Variants in TMEM150C observed in about 807,000 individuals in gnomAD.
TMEM150C encodes the protein tentonin 3.
Under a neutral mutation model 29.9 loss-of-function variants are expected in TMEM150C, and 10 were observed. The ratio of observed to expected loss-of-function variants is 0.33; its 90% confidence interval spans 0.21 to 0.57. TMEM150C has a LOEUF of 0.57. Among genes scored for constraint, TMEM150C ranks in the 20% least tolerant of loss-of-function variants. The pLI, the probability that TMEM150C is intolerant of heterozygous loss-of-function variation, is 0.88. For missense variants in TMEM150C, 251 were observed against 303.6 expected (o/e 0.83, Z 1.29); for synonymous variants, 101 against 112.5 (o/e 0.90, Z 0.64).
intron 1 of TMEM150C, among the ~76,000 whole-genome samples, chr4:82,535,034 C>T (rs1006691880): frequency 6.6e-6 from 1 of 152,196 alleles, no homozygotes; most frequent in African/African-American, 2.4e-5. Flanking sequence ...GTTTCTGTGT[C>T]AATTCTTGCA....
chr4:82,549,628 A>G (rs1725503929), intron 1 of TMEM150C, among the ~76,000 whole-genome samples: 1 of 152,228 alleles, frequency 6.6e-6, no homozygotes, highest in South Asian at 2.1e-4. Context: ...TTTTACCACA[A>G]GTAAGGATTA....
rs147818583 is a variant in TMEM150C, at chr4:82,519,574, G to A, written c.-10-14907C>T. On this transcript the variant is annotated intron_variant, in intron 1 of 7. Coordinates refer to ENST00000449862, the MANE Select transcript of TMEM150C (RefSeq NM_001080506.3). ...CCCAAGTAGCTGGGATCACAGGCACGTGTGACCACGCCCAGCTAATTTTTG... is the reference window on the plus strand; with the variant it reads ...CCCAAGTAGCTGGGATCACAGGCACATGTGACCACGCCCAGCTAATTTTTG... 8.0e-3 allele frequency among the ~76,000 whole-genome samples: 1,216 copies of A among 152,014 alleles called. 18 individuals are homozygous for A. The highest frequency in any genetic ancestry group is 0.027 in the Middle Eastern group (8 of 294).
intron 1 of TMEM150C, among the ~76,000 whole-genome samples, chr4:82,513,507 C>T (rs1724197632): frequency 6.6e-6 from 1 of 151,150 alleles, no homozygotes; most frequent in African/African-American, 2.4e-5. Flanking sequence ...AAAAAAAAGA[C>T]AGTCATAAGG....
intron 1 of TMEM150C, among the ~76,000 whole-genome samples, chr4:82,510,076 G>A (rs1724071745): frequency 1.3e-5 from 2 of 151,916 alleles, no homozygotes; most frequent in African/African-American, 4.8e-5. Flanking sequence ...TCAGGAGATC[G>A]AGACCATCCT....
intron 5 of TMEM150C, among the ~76,000 whole-genome samples, chr4:82,496,450 G>T (rs1447076505): frequency 6.6e-6 from 1 of 152,128 alleles, no homozygotes; most frequent in East Asian, 1.9e-4. Context: ...ACTCAATCTG[G>T]GGAAAGCAGA....
chr4:82,532,556 A>G (rs1224494635), intron 1 of TMEM150C, among the ~76,000 whole-genome samples: 1 of 152,182 alleles, frequency 6.6e-6, no homozygotes, highest in Admixed American at 6.5e-5. Flanking sequence ...TATGCAAAGT[A>G]GCGTTATAAA....
intron 6 of TMEM150C, among the ~76,000 whole-genome samples, chr4:82,492,860 T>TG (rs1723408765): frequency 1.6e-5 from 1 of 61,304 alleles, no homozygotes; most frequent in Non-Finnish European, 3.0e-5. Context: ...GCGTATATGT[T>TG]TGTGTATATA....
chr4:82,560,334 T>G (rs1436914333), intron 1 of TMEM150C, among the ~76,000 whole-genome samples: 1 of 152,220 alleles, frequency 6.6e-6, no homozygotes, highest in Non-Finnish European at 1.5e-5. Flanking sequence ...TGTCATAACA[T>G]CTATCAACTA....
At chr4:82,511,205 TC>T (rs1724111397) in intron 1 of TMEM150C, among the ~76,000 whole-genome samples, 1 of 152,190 alleles carries the variant, frequency 6.6e-6, no homozygotes, top group South Asian at 2.1e-4. Flanking sequence ...ATGAGGCCAA[TC>T]CCCCTGTTCC....
Position 82,485,017 on chromosome 4 carries a change from G to C in TMEM150C, c.*494C>G, listed in dbSNP as rs1723112917. 6.5e-6 allele frequency: 1 copy of C among 154,450 alleles called. No individual in the cohort carries two copies. Among genetic ancestry groups the C allele is most frequent in the Non-Finnish European group, 1.4e-5 (1 of 69,644 alleles). The allele number at this position is 154,450 out of a possible 1,614,324, so 9.6% of individuals were successfully genotyped here. On this transcript the variant is annotated 3_prime_UTR_variant, in exon 8 of 8. Coordinates refer to ENST00000449862, the MANE Select transcript of TMEM150C (RefSeq NM_001080506.3). Reference sequence around the variant, plus strand: ...ACTATGCCTTTCCACAGGCGACACAGGGTCACATCTCAATACAATTTCCGT... The same window carrying C: ...ACTATGCCTTTCCACAGGCGACACACGGTCACATCTCAATACAATTTCCGT...
intron 1 of TMEM150C, among the ~76,000 whole-genome samples, chr4:82,549,308 C>T (rs1052593745): frequency 1.3e-5 from 2 of 152,144 alleles, no homozygotes; most frequent in African/African-American, 4.8e-5. Flanking sequence ...ATGACACGTA[C>T]TACAACATGG....
At chr4:82,520,649 G>A (rs535788931) in intron 1 of TMEM150C, among the ~76,000 whole-genome samples, 55 of 152,310 alleles carry the variant, frequency 3.6e-4, no homozygotes, top group African/African-American at 1.2e-3. Flanking sequence ...ATACCAGCAC[G>A]GAGGTGGGTG....
intron 1 of TMEM150C, among the ~76,000 whole-genome samples, chr4:82,552,710 G>A (rs1458656133): frequency 3.3e-5 from 5 of 152,186 alleles, no homozygotes; most frequent in Non-Finnish European, 5.9e-5. Flanking sequence ...TTGGGGTGCC[G>A]CTGGAATTGT....
chr4:82,541,497 T>C (rs1725201363), intron 1 of TMEM150C, among the ~76,000 whole-genome samples: 1 of 152,212 alleles, frequency 6.6e-6, no homozygotes, highest in Non-Finnish European at 1.5e-5. Context: ...GGATGTACTA[T>C]GTCTGTACTC....
In TMEM150C at chr4:82,503,208, AT is replaced by A. The variant is rs1392238227; in HGVS notation, c.81-97del. ...AAACTAACTGCACTAATTCATATTCATTTTTTCTAACTGAGAAATGCTCTTT... is the reference window on the plus strand; with the variant it reads ...AAACTAACTGCACTAATTCATATTCATTTTTCTAACTGAGAAATGCTCTTT... On this transcript the variant is annotated intron_variant, in intron 2 of 7. Coordinates refer to ENST00000449862, the MANE Select transcript of TMEM150C (RefSeq NM_001080506.3). 37 of 851,712 alleles carry A rather than the reference AT, an allele frequency of 4.3e-5. 1 individual carries two copies. The Middle Eastern group carries it at 1.1e-3, about 24-fold the overall frequency. The allele number at this position is 851,712 out of a possible 1,614,324, so 52.8% of individuals were successfully genotyped here.
intron 1 of TMEM150C, among the ~76,000 whole-genome samples, chr4:82,506,651 A>G (rs1723931645): frequency 6.6e-6 from 1 of 152,228 alleles, no homozygotes; most frequent in African/African-American, 2.4e-5. Context: ...CTATTGTATG[A>G]ACTAGTGGTT....
At chr4:82,504,279 A>G (rs779934670) in intron 2 of TMEM150C, among the ~76,000 whole-genome samples, 5 of 152,102 alleles carry the variant, frequency 3.3e-5, no homozygotes, top group Non-Finnish European at 5.9e-5. Context: ...TCTCAGCTCA[A>G]TGCAACCTCT....
intron 6 of TMEM150C, among the ~76,000 whole-genome samples, chr4:82,494,597 C>T (rs1265824405): frequency 6.6e-6 from 1 of 152,018 alleles, no homozygotes; most frequent in Admixed American, 6.6e-5. Flanking sequence ...AAAGTATAAA[C>T]CACTTGGAAA....
chr4:82,549,270 T>C (rs1725491929), intron 1 of TMEM150C, among the ~76,000 whole-genome samples: 1 of 152,188 alleles, frequency 6.6e-6, no homozygotes, highest in African/African-American at 2.4e-5. Flanking sequence ...CTATGGAATA[T>C]TATTCAGCCT....
Sources: allele counts gnomAD v4.1 joint callset (sites outside exome capture counted in the v4.1 genomes callset), GRCh38; gene constraint gnomAD v4.1.1; transcripts MANE v1.5; gene names NCBI Gene and HGNC (gene_info 2026-07-23, HGNC 2026-07-21).